WRN: variants seen among roughly 807,000 people sequenced by gnomAD.
WRN encodes WRN RecQ like helicase.
In WRN, 149 loss-of-function variants were observed where a neutral mutation model predicts 180.7. The ratio of observed to expected loss-of-function variants is 0.82; its 90% CI spans 0.72 to 0.94. The LOEUF is 0.94. Ranked by LOEUF, WRN falls within the 40% of genes least tolerant of loss-of-function variation. The pLI, the probability that WRN is intolerant of heterozygous loss-of-function variation, is 0.00. For synonymous variants in WRN, 548 were observed against 568.9 expected (o/e 0.96, Z 0.52); for missense variants, 1,661 against 1,700.1 (o/e 0.98, Z 0.40).
chr8:31,081,237 AT>A lies in WRN; in HGVS notation c.1214del (p.Leu405TrpfsTer33). On this transcript the variant is annotated frameshift_variant, in exon 9 of 35. Transcript: ENST00000298139. LOFTEE classifies it high-confidence loss of function. Reference sequence around the variant, plus strand: ...AGATATTACAGAACATGAACTCCAAATTTTGGAACAGCAGTCTCAGGAAGAA... The same window carrying A: ...AGATATTACAGAACATGAACTCCAAATTTGGAACAGCAGTCTCAGGAAGAA... ...SLDITEHELQ[I>X]LEQQSQEEYL... 6.2e-7 allele frequency: 1 copy of A among 1,612,890 alleles called. No individual in the cohort carries two copies. The highest frequency in any genetic ancestry group is 8.5e-7 in the Non-Finnish European group (1 of 1,179,140).
intron 17 of WRN, 55 bp from the exon 18 acceptor site, chr8:31,100,794 T>C (rs2130228279): frequency 1.4e-6 from 2 of 1,470,990 alleles, no homozygotes; most frequent in East Asian, 4.5e-5. Flanking sequence ...TAGATGAGTT[T>C]ATTTTTTCCT....
At chr8:31,117,209 C>G (rs1466049158) in intron 20 of WRN, among the ~76,000 whole-genome samples, 1 of 152,120 alleles carries the variant, frequency 6.6e-6, no homozygotes, top group Admixed American at 6.6e-5. Context: ...ATAACTCTGG[C>G]TGAAGTTAAT....
chr8:31,167,287 T>C, intron 34 of WRN, 57 bp downstream of exon 34: 2 of 1,413,410 alleles, frequency 1.4e-6, no homozygotes, highest in East Asian at 4.9e-5. Context: ...TTGCATATCC[T>C]AGTACTAGAA....
At chr8:31,140,647 G>A (rs1802583883) in intron 24 of WRN, among the ~76,000 whole-genome samples, 2 of 152,232 alleles carry the variant, frequency 1.3e-5, no homozygotes, top group African/African-American at 4.8e-5. Flanking sequence ...ACTTTGCAGT[G>A]TATCATGTGC....
chr8:31,096,260 A>G (rs1318508355), intron 16 of WRN, among the ~76,000 whole-genome samples: 2 of 152,190 alleles, frequency 1.3e-5, no homozygotes, highest in Non-Finnish European at 2.9e-5. Context: ...CATATAGAAA[A>G]TTAAGTTTCA....
At chr8:31,149,693 T>C (rs1249175999) in intron 30 of WRN, among the ~76,000 whole-genome samples, 1 of 151,914 alleles carries the variant, frequency 6.6e-6, no homozygotes, top group African/African-American at 2.4e-5. Context: ...CAGGCTGGTG[T>C]TGAACTCCTG....
intron 11 of WRN, chr8:31,087,542 T>C: frequency 2.2e-6 from 1 of 462,328 alleles, no homozygotes; most frequent in Non-Finnish European, 4.0e-6. Context: ...TATTATATGC[T>C]ATTAATGAGC....
chr8:31,058,668 C>T (rs919114323), intron 2 of WRN, 125 bp downstream of exon 2: 20 of 912,964 alleles, frequency 2.2e-5, no homozygotes, highest in Admixed American at 2.1e-5. Flanking sequence ...TGTCTAAATG[C>T]ACCAGGACCT....
chr8:31,143,469 G>A, intron 27 of WRN, 81 bp from the exon 28 acceptor site: 1 of 960,916 alleles, frequency 1.0e-6, no homozygotes, highest in Non-Finnish European at 1.6e-6. Context: ...TTGTGATTTT[G>A]AGATTTTTGT....
intron 28 of WRN, 34 bp from the exon 29 acceptor site, chr8:31,147,019 G>T: frequency 6.5e-7 from 1 of 1,538,236 alleles, no homozygotes; most frequent in Non-Finnish European, 8.9e-7. Context: ...AGAAAGAAAA[G>T]CTTTTATTAT....
At chr8:31,106,192 G>A (rs549312343) in intron 18 of WRN, among the ~76,000 whole-genome samples, 35 of 152,180 alleles carry the variant, frequency 2.3e-4, no homozygotes, top group African/African-American at 8.2e-4. Context: ...CAGAATATAT[G>A]CAGAATTAAA....
Position 31,085,199 on chromosome 8 carries a change from T to C in WRN, c.1384T>C (p.Ser462Pro), listed in dbSNP as rs1813482200. 11 of 1,613,026 alleles carry C rather than the reference T, an allele frequency of 6.8e-6. No individual in the cohort carries two copies. The highest frequency in any genetic ancestry group is 9.3e-6 in the Non-Finnish European group (11 of 1,179,422). ...TCCCAATGATAATGAAAACGATACGTCCTATGTAATTGAGAGTGATGAAGA... is the reference window on the plus strand; with the variant it reads ...TCCCAATGATAATGAAAACGATACGCCCTATGTAATTGAGAGTGATGAAGA... ...LSPNDNENDT[S>P]YVIESDEDLE... The change falls in exon 11 of 35, where the codon TCC (serine) becomes CCC (proline). Residue 462 changes from serine to proline, a missense_variant. Physicochemically the swap from Ser to Pro is moderately conservative, Grantham distance 74 (BLOSUM62 -1). Around this residue, in one of 3 missense-constraint regions of WRN, gnomAD observed 20 missense variants for 46.7 expected, o/e 0.43. Coordinates refer to ENST00000298139, the MANE Select transcript of WRN (RefSeq NM_000553.6).
rs1554538565 is a variant in WRN, at chr8:31,167,069, G to A, written c.4030G>A (p.Asp1344Asn). The A allele has an allele frequency of 1.2e-6, 2 of 1,613,146 alleles. No homozygotes were observed. The highest frequency in any genetic ancestry group is 1.7e-6 in the Non-Finnish European group (2 of 1,179,406). ...LIRMLVPENI[D>N]TYLIHMAIEI... Reference sequence around the variant, plus strand: ...CAGAATGTTAGTTCCTGAAAACATTGACACGTACCTTATCCACATGGCAAT... The same window carrying A: ...CAGAATGTTAGTTCCTGAAAACATTAACACGTACCTTATCCACATGGCAAT... The change falls in exon 34 of 35, where the codon GAC (aspartate) becomes AAC (asparagine). Residue 1344 changes from aspartate to asparagine, a missense_variant. Asp to Asn is a conservative substitution (Grantham distance 23). Around this residue, in one of 3 missense-constraint regions of WRN, gnomAD observed 1,141 missense variants for 1,149.4 expected, o/e 0.99. Transcript: ENST00000298139.
intron 13 of WRN, among the ~76,000 whole-genome samples, chr8:31,090,242 T>G (rs1813693873): frequency 1.3e-5 from 2 of 151,136 alleles, no homozygotes; most frequent in South Asian, 4.2e-4. Flanking sequence ...TTTAGATGTA[T>G]GTAGTGAAAT....
intron 21 of WRN, among the ~76,000 whole-genome samples, chr8:31,121,234 G>C (rs1801714856): frequency 6.6e-6 from 1 of 151,974 alleles, no homozygotes; most frequent in Admixed American, 6.6e-5. Flanking sequence ...AGTATTTTCA[G>C]AGTACACCTT....
chr8:31,096,728 G>GTTTTTTTTTTTTTTTTT, intron 16 of WRN, 40 bp from the exon 17 acceptor site: 73 of 1,160,146 alleles, frequency 6.3e-5, no homozygotes, highest in East Asian at 1.7e-4. Flanking sequence ...TTCCCTTCCT[G>GTTTTTTTTTTTTTTTTT]TTTTTTTTTT....
intron 18 of WRN, among the ~76,000 whole-genome samples, chr8:31,105,904 T>C (rs2130256113): frequency 6.6e-6 from 1 of 152,230 alleles, no homozygotes; most frequent in East Asian, 1.9e-4. Flanking sequence ...ATTTTAGCCA[T>C]TTAATAGAAT....
rs143865497 is a variant in WRN, at chr8:31,067,792, A to G, written c.655-466A>G. 5.9e-5 allele frequency among the ~76,000 whole-genome samples: 9 copies of G among 152,318 alleles called. No individual in the cohort carries two copies. In the East Asian group the frequency reaches 1.7e-3, roughly 29 times the overall value. On this transcript the variant is annotated intron_variant, in intron 6 of 34. Coordinates refer to ENST00000298139, the MANE Select transcript of WRN (RefSeq NM_000553.6). ...TCTCCTAACTCATGCTTTCATTTGTAGATGAATATTTTATTGTTTCTCCTT... is the reference window on the plus strand; with the variant it reads ...TCTCCTAACTCATGCTTTCATTTGTGGATGAATATTTTATTGTTTCTCCTT...
At chr8:31,101,509 G>A (rs938957087) in intron 18 of WRN, among the ~76,000 whole-genome samples, 10 of 151,976 alleles carry the variant, frequency 6.6e-5, no homozygotes, top group South Asian at 6.2e-4. Flanking sequence ...AATTTTGGCC[G>A]GGCATGGTGG....
Sources: allele counts gnomAD v4.1 joint callset (sites outside exome capture counted in the v4.1 genomes callset), GRCh38; gene constraint gnomAD v4.1.1; regional missense constraint gnomAD v4.1.1; transcripts MANE v1.5; gene names NCBI Gene and HGNC (gene_info 2026-07-23, HGNC 2026-07-21).